Variants in TMEM178B observed in about 807,000 individuals in gnomAD.
The protein encoded by TMEM178B is transmembrane protein 178B.
In TMEM178B, 5 loss-of-function variants were observed where a neutral mutation model predicts 31.0. The observed-to-expected ratio is 0.16, with a 90% CI of 0.08 to 0.34. The LOEUF (loss-of-function observed/expected upper bound fraction) is 0.34, where lower values mean the gene tolerates loss of function less well. Ranked by LOEUF, TMEM178B falls within the 10% of genes least tolerant of loss-of-function variation. The pLI, the probability that TMEM178B is intolerant of heterozygous loss-of-function variation, is 1.00. For missense variants in TMEM178B, 275 were observed against 400.3 expected (o/e 0.69, Z 2.67); for synonymous variants, 164 against 164.0 (o/e 1.00, Z 0.00).
chr7:141,278,425 T>C (rs1480590268), intron 2 of TMEM178B, among the ~76,000 whole-genome samples: 1 of 151,938 alleles, frequency 6.6e-6, no homozygotes, highest in Non-Finnish European at 1.5e-5. Context: ...CTACTAAAAA[T>C]ACAAAAATTA....
chr7:141,075,164 A>G (rs1245531585), intron 1 of TMEM178B, among the ~76,000 whole-genome samples: 1 of 152,188 alleles, frequency 6.6e-6, no homozygotes, highest in Non-Finnish European at 1.5e-5. Context: ...GCGCTATACT[A>G]TACCAGATAT....
intron 1 of TMEM178B, among the ~76,000 whole-genome samples, chr7:141,088,700 C>A (rs1395604170): frequency 6.6e-6 from 1 of 152,182 alleles, no homozygotes; most frequent in Non-Finnish European, 1.5e-5. Context: ...TCTTAGAGAA[C>A]ATGGCTCACT....
At chr7:141,356,114 C>T (rs1281208589) in intron 2 of TMEM178B, among the ~76,000 whole-genome samples, 3 of 152,116 alleles carry the variant, frequency 2.0e-5, no homozygotes, top group Non-Finnish European at 2.9e-5. Context: ...TTTTCCAATC[C>T]GTCATTGATG....
chr7:141,242,211 CCAAA>C (rs34351423), intron 2 of TMEM178B, among the ~76,000 whole-genome samples: 59,365 of 151,694 alleles, frequency 0.39, 11,862 homozygotes, highest in East Asian at 0.65. Context: ...AGTAGTCCTA[CCAAA>C]CAAAGTTGTG....
rs1314472962 is a variant in TMEM178B at position 141,473,371 on chromosome 7, C to CT, written c.*2591dup. Reference sequence around the variant, plus strand: ...GTCTATGACCACACTGAAATTCCAGCTTTTTTCCAGTTGCAGGAGAGAGGG... The same window carrying CT: ...GTCTATGACCACACTGAAATTCCAGCTTTTTTTCCAGTTGCAGGAGAGAGGG... On this transcript the variant is annotated 3_prime_UTR_variant, in exon 4 of 4. Coordinates refer to ENST00000565468, the MANE Select transcript of TMEM178B (RefSeq NM_001195278.2). 1 of 152,156 alleles carries CT rather than the reference C, an allele frequency of 6.6e-6. No homozygotes were observed. The highest frequency in any genetic ancestry group is 6.5e-5 in the Admixed American group (1 of 15,278). The allele number at this position is 152,156 out of a possible 1,614,324, so 9.4% of individuals were successfully genotyped here.
chr7:141,081,264 C>G (rs1276400373), intron 1 of TMEM178B, among the ~76,000 whole-genome samples: 1 of 151,754 alleles, frequency 6.6e-6, no homozygotes, highest in Admixed American at 6.6e-5. Flanking sequence ...GTGTGTGTGT[C>G]TTAGTTTTTA....
intron 2 of TMEM178B, among the ~76,000 whole-genome samples, chr7:141,295,855 C>G (rs775671125): frequency 2.6e-5 from 4 of 152,130 alleles, no homozygotes; most frequent in Non-Finnish European, 4.4e-5. Flanking sequence ...CCCCACATTT[C>G]CAGAAATCTG....
intron 2 of TMEM178B, among the ~76,000 whole-genome samples, chr7:141,434,663 G>C (rs886388598): frequency 2.6e-5 from 4 of 152,062 alleles, no homozygotes; most frequent in African/African-American, 9.7e-5. Context: ...CTATTTTGAA[G>C]TACACAATAC....
rs539288222 is a variant in TMEM178B at position 141,285,265 on chromosome 7, C to T, written c.496+72561C>T. The stretch of plus-strand genomic sequence containing the variant: ...TCCCGGATTCACGCCATTCTCCTGC[C>T]TCAGCCTCCCGAGTAGCTGGGACTA... On this transcript the variant is annotated intron_variant, in intron 2 of 3. Transcript: ENST00000565468. 2.0e-5 allele frequency among the ~76,000 whole-genome samples: 3 copies of T among 150,648 alleles called. No homozygotes were observed. The East Asian group carries it at 5.9e-4, about 30-fold the overall frequency.
intron 2 of TMEM178B, among the ~76,000 whole-genome samples, chr7:141,239,160 G>A (rs1586843380): frequency 6.6e-6 from 1 of 152,176 alleles, no homozygotes; most frequent in East Asian, 1.9e-4. Flanking sequence ...TGCATGTGTG[G>A]GGACGTGTCA....
intron 2 of TMEM178B, among the ~76,000 whole-genome samples, chr7:141,286,487 A>G (rs1225883410): frequency 6.6e-6 from 1 of 152,246 alleles, no homozygotes; most frequent in Non-Finnish European, 1.5e-5. Context: ...TTAAAGAGCC[A>G]GCTGAAGATA....
At chr7:141,381,555 T>G (rs1800315440) in intron 2 of TMEM178B, among the ~76,000 whole-genome samples, 1 of 152,206 alleles carries the variant, frequency 6.6e-6, no homozygotes, top group Non-Finnish European at 1.5e-5. Flanking sequence ...CTTAATTCTT[T>G]CCAGATATCC....
At chr7:141,133,073 C>T (rs890764765) in intron 1 of TMEM178B, among the ~76,000 whole-genome samples, 1 of 151,822 alleles carries the variant, frequency 6.6e-6, no homozygotes, top group South Asian at 2.1e-4. Context: ...ATAGATATAT[C>T]TATAGAAAAA....
intron 2 of TMEM178B, among the ~76,000 whole-genome samples, chr7:141,266,185 T>C (rs1798092268): frequency 6.6e-6 from 1 of 152,250 alleles, no homozygotes; most frequent in African/African-American, 2.4e-5. Context: ...TCCAAAGCCT[T>C]GAGCAGCCCC....
chr7:141,212,809 G>C, intron 2 of TMEM178B, 105 bp downstream of exon 2: 1 of 890,298 alleles, frequency 1.1e-6, no homozygotes, highest in South Asian at 1.6e-5. Flanking sequence ...GATGGTCTCA[G>C]AACATTGAGA....
intron 2 of TMEM178B, among the ~76,000 whole-genome samples, chr7:141,334,255 C>G (rs1799346472): frequency 6.6e-6 from 1 of 152,154 alleles, no homozygotes; most frequent in South Asian, 2.1e-4. Flanking sequence ...CGAGTCCTGT[C>G]TCAGCAATTC....
intron 2 of TMEM178B, among the ~76,000 whole-genome samples, chr7:141,403,576 T>G (rs1037670183): frequency 6.6e-6 from 1 of 152,242 alleles, no homozygotes; most frequent in African/African-American, 2.4e-5. Context: ...TACTATGATC[T>G]TGGGCAAGAT....
At chr7:141,127,452 T>C (rs1280260816) in intron 1 of TMEM178B, among the ~76,000 whole-genome samples, 1 of 152,036 alleles carries the variant, frequency 6.6e-6, no homozygotes, top group Non-Finnish European at 1.5e-5. Context: ...CGAAGACAGG[T>C]GTCCCAATAA....
intron 2 of TMEM178B, among the ~76,000 whole-genome samples, chr7:141,299,374 G>T (rs1798686733): frequency 6.6e-6 from 1 of 152,086 alleles, no homozygotes. Context: ...ATGGGGTTTT[G>T]CTTACATTAA....
Sources: gnomAD v4.1 joint callset for allele counts (sites outside exome capture counted in the v4.1 genomes callset) on GRCh38, gnomAD v4.1.1 for gene constraint, MANE v1.5 for transcripts, NCBI Gene and HGNC (gene_info 2026-07-23, HGNC 2026-07-21) for gene names.